Variants in OAS3 observed in about 807,000 individuals in gnomAD.
OAS3 encodes the protein 2'-5'-oligoadenylate synthase 3.
A neutral mutation model predicts 113.0 loss-of-function variants in OAS3; 107 were observed. The ratio of observed to expected loss-of-function variants is 0.95; its 90% CI spans 0.81 to 1.11. The LOEUF (loss-of-function observed/expected upper bound fraction) is 1.11. Among genes scored for constraint, OAS3 ranks in the 50% most tolerant of loss-of-function variants. The pLI is 0.00. For missense variants in OAS3, 1,258 were observed against 1,389.1 expected (o/e 0.91, Z 1.50); for synonymous variants, 552 against 573.6 (o/e 0.96, Z 0.54).
chr12:112,946,834 A>G lies in OAS3; in HGVS notation c.728A>G (p.Lys243Arg). Reference sequence around the variant, plus strand: ...TTCGCCTGGGAGCAGGGCTGTAAGAAGGATGCTTTCAGCCTAGCCGAAGGC... The same window carrying G: ...TTCGCCTGGGAGCAGGGCTGTAAGAGGGATGCTTTCAGCCTAGCCGAAGGC... The part of the protein sequence containing the change: ...TIFAWEQGCK[K>R]DAFSLAEGLR... Residue 243 changes from lysine (K) to arginine (R), a missense_variant, in exon 4 of 16, where the codon AAG becomes AGG. Transcript: ENST00000228928. The G allele has an allele frequency of 6.2e-7, 1 of 1,613,878 alleles. No homozygotes were observed. Among genetic ancestry groups the G allele is most frequent in the Non-Finnish European group, 8.5e-7 (1 of 1,179,854 alleles).
chr12:112,947,233 A>T (rs190293658), intron 4 of OAS3, among the ~76,000 whole-genome samples: 32 of 152,356 alleles, frequency 2.1e-4, no homozygotes, highest in African/African-American at 7.5e-4. Context: ...TATAGCAGAA[A>T]GTGCATGTTC....
intron 1 of OAS3, among the ~76,000 whole-genome samples, chr12:112,941,212 A>T (rs1033732221): frequency 6.6e-6 from 1 of 151,868 alleles, no homozygotes; most frequent in Admixed American, 6.6e-5. Context: ...AAAAAAATGT[A>T]AAAACTAGCC....
intron 7 of OAS3, among the ~76,000 whole-genome samples, chr12:112,957,591 A>T (rs186270191): frequency 6.6e-6 from 1 of 152,162 alleles, no homozygotes; most frequent in Non-Finnish European, 1.5e-5. Flanking sequence ...TCCTTCACTT[A>T]TGAAGCTTAG....
chr12:112,948,581 C>A (rs535798590), intron 5 of OAS3, among the ~76,000 whole-genome samples: 4 of 151,994 alleles, frequency 2.6e-5, no homozygotes, highest in African/African-American at 9.7e-5. Flanking sequence ...TGAAACTGCC[C>A]GGGGGAAGGA....
chr12:112,958,818 T>A (rs548695910), intron 7 of OAS3, among the ~76,000 whole-genome samples: 2 of 152,368 alleles, frequency 1.3e-5, no homozygotes, highest in African/African-American at 4.8e-5. Context: ...AGGCAGTCTG[T>A]CCGTTCTCAG....
In OAS3 at chr12:112,971,303, T is replaced by G. The variant is rs1325852276; in HGVS notation, c.*1330T>G. The G allele has an allele frequency of 6.5e-6, 1 of 152,754 alleles. No homozygotes were observed. Among genetic ancestry groups the G allele is most frequent in the Non-Finnish European group, 1.5e-5 (1 of 68,366 alleles). The allele number at this position is 152,754 out of a possible 1,614,324, so 9.5% of individuals were successfully genotyped here. On this transcript the variant is annotated 3_prime_UTR_variant, in exon 16 of 16. Coordinates refer to ENST00000228928, the MANE Select transcript of OAS3 (RefSeq NM_006187.4). ...CTGCCCCACATGGACAAAACTGGAG[T>G]CGAGACCTAGGTTAGATTCCTGCAA...
chr12:112,967,849 G>A lies in OAS3; in HGVS notation c.2866-87G>A, dbSNP rs1309089474. On this transcript the variant is annotated intron_variant, in intron 13 of 15. Coordinates refer to ENST00000228928, the MANE Select transcript of OAS3 (RefSeq NM_006187.4). ...CATGTAGGTGCTCAATAAAAGTTTT[G>A]GGGTTGCTTTGCCAAGTCCAGAATA... is the stretch of plus-strand genomic sequence containing the variant. The A allele has an allele frequency of 3.4e-6, 5 of 1,452,518 alleles. No individual in the cohort carries two copies. In the East Asian group the frequency reaches 1.2e-4, roughly 35 times the overall value. 90.0% of individuals were successfully genotyped at this position (1,452,518 alleles called of 1,614,324 possible).
In OAS3 at chr12:112,972,844, C is replaced by G. The variant is rs2043997125; in HGVS notation, c.*2871C>G. ...GAGAAAGTGAAGACCAAGTCCAGAACTGAATCCTAAGAAATGCAGGACTGC... is the reference window on the plus strand; with the variant it reads ...GAGAAAGTGAAGACCAAGTCCAGAAGTGAATCCTAAGAAATGCAGGACTGC... On this transcript the variant is annotated 3_prime_UTR_variant, in exon 16 of 16. Transcript: ENST00000228928. The G allele has an allele frequency of 6.6e-6, 1 of 151,552 alleles. No homozygotes were observed. The highest frequency in any genetic ancestry group is 2.1e-4 in the South Asian group (1 of 4,800). The allele number at this position is 151,552 out of a possible 1,614,324, so 9.4% of individuals were successfully genotyped here. A position where few individuals can be genotyped will look rare whatever the true frequency, so the allele number is the denominator to read the frequency against.
chr12:112,940,300 C>T (rs187627792), intron 1 of OAS3, among the ~76,000 whole-genome samples: 13 of 152,294 alleles, frequency 8.5e-5, no homozygotes, highest in Admixed American at 7.2e-4. Flanking sequence ...GCATAATCAT[C>T]GGGATAAGTA....
At position 112,948,078 on chromosome 12, in the gene OAS3, A is replaced by G. The variant is rs773511320; in HGVS notation, c.1008A>G (p.Pro336=). 6.4e-7 allele frequency: 1 copy of G among 1,558,328 alleles called. No homozygotes were observed. Among genetic ancestry groups the G allele is most frequent in the African/African-American group, 1.4e-5 (1 of 72,598 alleles). ...GCTTTCTGAGGGGGATGGGGGACCC[A>G]GTGCAGTCTTGGAAGGGGCCGGTAA... ...HPCFLRGMGD[P]VQSWKGPGLP... is the part of the protein sequence containing the mutation. Residue 336 remains proline, a synonymous_variant, in exon 5 of 16, where the codon CCA becomes CCG. Coordinates refer to ENST00000228928, the MANE Select transcript of OAS3 (RefSeq NM_006187.4).
At position 112,941,435 on chromosome 12, in the gene OAS3, C is replaced by T. The variant is rs933004376; in HGVS notation, c.178-135C>T. The stretch of plus-strand genomic sequence containing the variant: ...CCTGGCTACCCTGGGCCCACATTCC[C>T]GCGTGGCTTCAATGCCTACAGCCAT... On this transcript the variant is annotated intron_variant, in intron 1 of 15. Transcript: ENST00000228928. 10 of 875,150 alleles carry T rather than the reference C, an allele frequency of 1.1e-5. 1 individual carries two copies. The highest frequency in any genetic ancestry group is 6.7e-5 in the South Asian group (4 of 59,382). The allele number at this position is 875,150 out of a possible 1,614,324, so 54.2% of individuals were successfully genotyped here.
chr12:112,948,528 A>T (rs1464226599), intron 5 of OAS3, among the ~76,000 whole-genome samples: 2 of 148,772 alleles, frequency 1.3e-5, no homozygotes, highest in Non-Finnish European at 3.0e-5. Flanking sequence ...AAAAATGCAC[A>T]GGGCATCAGG....
In OAS3 at chr12:112,964,241, C is replaced by A; in HGVS notation, c.2236C>A (p.Leu746Ile). Reference sequence around the variant, plus strand: ...ACCTGGATTCTCTCTGCAGCCAGCCCTCCTTTACCAAACCCCAGCTGGGGA... The same window carrying A: ...ACCTGGATTCTCTCTGCAGCCAGCCATCCTTTACCAAACCCCAGCTGGGGA... ...SVQPWDVMPA[L>I]LYQTPAGDLD... Residue 746 changes from leucine (L) to isoleucine (I), a missense_variant, in exon 11 of 16, where the codon CTC becomes ATC. Leu to Ile is a conservative substitution (Grantham distance 5). Transcript: ENST00000228928. 6.3e-7 allele frequency: 1 copy of A among 1,588,708 alleles called. No homozygotes were observed.
intron 12 of OAS3, among the ~76,000 whole-genome samples, 197 bp downstream of exon 12, chr12:112,966,226 C>T (rs1454148044): frequency 8.5e-5 from 13 of 152,238 alleles, no homozygotes; most frequent in Non-Finnish European, 2.9e-5. Context: ...TGCGCAGGCA[C>T]TCTGTGGGCT....
At chr12:112,968,631 C>T (rs1030757226) in intron 14 of OAS3, among the ~76,000 whole-genome samples, 20 of 152,312 alleles carry the variant, frequency 1.3e-4, no homozygotes, top group Admixed American at 1.0e-3. Flanking sequence ...TCTTCTGCCT[C>T]AGCCTCCTGA....
At chr12:112,969,926 A>G (rs1233946037) in intron 15 of OAS3, 36 bp from the exon 16 acceptor site, 1 of 1,605,052 alleles carries the variant, frequency 6.2e-7, no homozygotes, top group Middle Eastern at 1.7e-4. Context: ...TGCAGAAAGA[A>G]TGGGGTTACC....
At chr12:112,950,606 C>T (rs1346148292) in intron 6 of OAS3, 87 bp from the exon 7 acceptor site, 2 of 1,485,242 alleles carry the variant, frequency 1.3e-6, no homozygotes, top group Non-Finnish European at 9.2e-7. Flanking sequence ...AGGTTCCAGG[C>T]TGTAGATGGG....
intron 1 of OAS3, among the ~76,000 whole-genome samples, chr12:112,940,349 C>T (rs2043669308): frequency 6.6e-6 from 1 of 152,192 alleles, no homozygotes; most frequent in Non-Finnish European, 1.5e-5. Flanking sequence ...TCCTGGAGGG[C>T]TCCATCCTGG....
chr12:112,969,660 C>G lies in OAS3; in HGVS notation c.3157C>G (p.Arg1053Gly), dbSNP rs201242016. The change falls in exon 15 of 16, where the codon CGC (arginine) becomes GGC (glycine). Residue 1053 changes from arginine (R) to glycine (G), a missense_variant. Coordinates refer to ENST00000228928, the MANE Select transcript of OAS3 (RefSeq NM_006187.4). ...DPTGNLGHNA[R>G]WDLLAKEAAA... ...GACAGGCAACCTGGGCCACAATGCC[C>G]GCTGGGACCTGCTGGCCAAGGAAGC... The G allele has an allele frequency of 6.2e-7, 1 of 1,609,200 alleles. No homozygotes were observed. Among genetic ancestry groups the G allele is most frequent in the Admixed American group, 1.7e-5 (1 of 59,404 alleles).
Sources: gnomAD v4.1 joint callset for allele counts (sites outside exome capture counted in the v4.1 genomes callset) on GRCh38, gnomAD v4.1.1 for gene constraint, MANE v1.5 for transcripts, NCBI Gene and HGNC (gene_info 2026-07-23, HGNC 2026-07-21) for gene names.